Variants in NR1D1 observed in about 807,000 individuals in gnomAD.
NR1D1 encodes nuclear receptor subfamily 1 group D member 1.
NR1D1 carries 17 observed loss-of-function variants against 51.1 expected under a neutral mutation model. That is an observed-to-expected ratio of 0.33 (90% CI 0.23 to 0.50). The LOEUF is 0.50. Among genes scored for constraint, NR1D1 ranks in the 20% least tolerant of loss-of-function variants. The pLI, the probability that NR1D1 is intolerant of heterozygous loss-of-function variation, is 0.98. For synonymous variants in NR1D1, 341 were observed against 333.4 expected (o/e 1.02, Z -0.25); for missense variants, 647 against 830.4 (o/e 0.78, Z 2.71).
In NR1D1 at chr17:40,093,448, A is replaced by G; in HGVS notation, c.1646-166T>C. On this transcript the variant is annotated intron_variant, in intron 7 of 7. Transcript: ENST00000246672. The surrounding 1 kb of genome is among the most constrained non-coding windows in gnomAD (Gnocchi z 5.9). The stretch of plus-strand genomic sequence containing the variant: ...TACCTTCTCCCAGGCCTCTGCCCCA[A>G]GAGCAGGAGGTGCCTGAAAGCTGGG... 1 of 1,526,408 alleles carries G rather than the reference A, an allele frequency of 6.6e-7. No homozygotes were observed. The highest frequency in any genetic ancestry group is 8.8e-7 in the Non-Finnish European group (1 of 1,134,504). The allele number at this position is 1,526,408 out of a possible 1,614,324, so 94.6% of individuals were successfully genotyped here.
At position 40,094,088 on chromosome 17, in the gene NR1D1, A is replaced by C; in HGVS notation, c.1469T>G (p.Val490Gly). 1 of 1,613,960 alleles carries C rather than the reference A, an allele frequency of 6.2e-7. No homozygotes were observed. The highest frequency in any genetic ancestry group is 8.5e-7 in the Non-Finnish European group (1 of 1,180,016). ...TAGGAACATCACTGTCTGGTCCTTC[A>C]CGTTGAACAACGAAGCAAAGCGCAC... ...LMVRFASLFN[V>G]KDQTVMFLSR... is the part of the protein sequence containing the mutation. Residue 490 changes from valine (V) to glycine (G), a missense_variant, in exon 7 of 8, where the codon GTG becomes GGG. Val to Gly is a moderately radical substitution (Grantham distance 109). Coordinates refer to ENST00000246672, the MANE Select transcript of NR1D1 (RefSeq NM_021724.5).
chr17:40,096,114 G>T, intron 4 of NR1D1, 27 bp from the exon 5 acceptor site: 1 of 1,605,588 alleles, frequency 6.2e-7, no homozygotes, highest in Non-Finnish European at 8.5e-7. Flanking sequence ...ACAGCATCAG[G>T]AAGTTCTCAA....
intron 6 of NR1D1, among the ~76,000 whole-genome samples, 162 bp downstream of exon 6, chr17:40,094,773 C>T (rs567470841): frequency 2.0e-5 from 3 of 152,356 alleles, no homozygotes; most frequent in Admixed American, 2.0e-4. Context: ...TGGCGGGAAC[C>T]TGTAATCCCA....
intron 4 of NR1D1, 132 bp downstream of exon 4, chr17:40,096,311 G>A: frequency 2.2e-6 from 3 of 1,365,270 alleles, no homozygotes; most frequent in Non-Finnish European, 2.0e-6. Flanking sequence ...CCAAGCAAAT[G>A]AAGGATGGAC....
rs1368133923 is a variant in NR1D1 at position 40,097,421 on chromosome 17, G to A, written c.32-18C>T. 11 of 1,580,544 alleles carry A rather than the reference G, an allele frequency of 7.0e-6. No homozygotes were observed. The East Asian group carries it at 1.2e-4, about 17-fold the overall frequency. On this transcript the variant is annotated intron_variant, in intron 1 of 7. Coordinates refer to ENST00000246672, the MANE Select transcript of NR1D1 (RefSeq NM_021724.5). The stretch of plus-strand genomic sequence containing the variant: ...GACGCCACCTGGAGAGAGAACAAAA[G>A]GAAAGGGGGTGTCAGCCGCCATGTC...
intron 1 of NR1D1, among the ~76,000 whole-genome samples, 174 bp from the exon 2 acceptor site, chr17:40,097,577 A>G (rs1486968938): frequency 6.6e-6 from 1 of 152,200 alleles, no homozygotes; most frequent in Non-Finnish European, 1.5e-5. Context: ...TAGACATGGC[A>G]TGGCCAAGCA....
Position 40,095,734 on chromosome 17 carries a change from A to G in NR1D1, c.958T>C (p.Ser320Pro). The change falls in exon 5 of 8, where the codon TCA becomes CCA. Residue 320 changes from serine (S) to proline (P), a missense_variant. Ser to Pro is a moderately conservative substitution (Grantham distance 74). Around this residue, in one of 7 missense-constraint regions of NR1D1, gnomAD observed 185 missense variants for 176.3 expected, o/e 1.05. Transcript: ENST00000246672. ...SPGNFNANHA[S>P]GSPPATTPHR... ...GGGGTGGTGGCTGGAGGGCTACCTG[A>G]TGCATGGTTGGCATTGAAGTTGCCA... The G allele has an allele frequency of 6.2e-7, 1 of 1,613,896 alleles. No homozygotes were observed. Among genetic ancestry groups the G allele is most frequent in the Non-Finnish European group, 8.5e-7 (1 of 1,179,932 alleles).
In NR1D1 at chr17:40,100,075, T is replaced by C. The variant is rs1370833181; in HGVS notation, c.20A>G (p.Asn7Ser). Reference protein sequence around the residue: MTTLDSNNNTGGVITYI... With the variant: MTTLDSSNNTGGVITYI... ...AGAAATCTCAGTACCTGTGTTGTTGTTGGAGTCCAGGGTCGTCATGTCTTC... is the reference window on the plus strand; with the variant it reads ...AGAAATCTCAGTACCTGTGTTGTTGCTGGAGTCCAGGGTCGTCATGTCTTC... Residue 7 changes from asparagine (N) to serine (S), a missense_variant, in exon 1 of 8, where the codon AAC (asparagine) becomes AGC (serine). Transcript: ENST00000246672. 3 of 1,610,438 alleles carry C rather than the reference T, an allele frequency of 1.9e-6. No individual in the cohort carries two copies. The highest frequency in any genetic ancestry group is 2.5e-6 in the Non-Finnish European group (3 of 1,176,618).
In NR1D1 at chr17:40,093,107, C is replaced by G; in HGVS notation, c.1821G>C (p.Leu607=). The G allele has an allele frequency of 6.2e-7, 1 of 1,614,108 alleles. No homozygotes were observed. Among genetic ancestry groups the G allele is most frequent in the Non-Finnish European group, 8.5e-7 (1 of 1,180,040 alleles). The change falls in exon 8 of 8, where the codon CTG becomes CTC. Residue 607 remains leucine, a synonymous_variant. Coordinates refer to ENST00000246672, the MANE Select transcript of NR1D1 (RefSeq NM_021724.5). The surrounding 1 kb of genome is among the most constrained non-coding windows in gnomAD (Gnocchi z 5.9). ...TLNNMHSEKL[L]SFRVDAQ ...GTCACTGGGCGTCCACCCGGAAGGA[C>G]AGCAGCTTCTCGGAATGCATGTTGT...
chr17:40,092,832 A>T lies in NR1D1; in HGVS notation c.*251T>A. ...TTGGATTTGAGACAGGAACAGAACA[A>T]ATCAGAGGGCCAGGGGAGGGTTGTG... On this transcript the variant is annotated 3_prime_UTR_variant, in exon 8 of 8. Transcript: ENST00000246672. The T allele has an allele frequency of 1.2e-6, 1 of 839,498 alleles. No homozygotes were observed. Among genetic ancestry groups the T allele is most frequent in the Non-Finnish European group, 1.8e-6 (1 of 558,818 alleles). 52.0% of individuals were successfully genotyped at this position (839,498 alleles called of 1,614,324 possible).
chr17:40,093,641 C>G lies in NR1D1; in HGVS notation c.1645+271G>C. 7.5e-6 allele frequency: 5 copies of G among 665,656 alleles called. No homozygotes were observed. The highest frequency in any genetic ancestry group is 1.3e-5 in the Non-Finnish European group (5 of 398,094). 41.2% of individuals were successfully genotyped at this position (665,656 alleles called of 1,614,324 possible). A position where few individuals can be genotyped will look rare whatever the true frequency, so the allele number is the denominator to read the frequency against. On this transcript the variant is annotated intron_variant, in intron 7 of 7. Transcript: ENST00000246672. The surrounding 1 kb of genome is among the most constrained non-coding windows in gnomAD (Gnocchi z 5.9). Reference sequence around the variant, plus strand: ...GCAACATCTTACTTGTCCTTTGAGGCCCCAACTCAAGTGTCACCTCCTTCC... The same window carrying G: ...GCAACATCTTACTTGTCCTTTGAGGGCCCAACTCAAGTGTCACCTCCTTCC...
At chr17:40,096,120 C>A in intron 4 of NR1D1, 33 bp from the exon 5 acceptor site, 2 of 1,595,316 alleles carry the variant, frequency 1.3e-6, no homozygotes, top group South Asian at 1.1e-5. Flanking sequence ...TCAGGAAGTT[C>A]TCAACCATGC....
chr17:40,097,312 G>A lies in NR1D1; in HGVS notation c.123C>T (p.Phe41=). 1 of 1,614,146 alleles carries A rather than the reference G, an allele frequency of 6.2e-7. No individual in the cohort carries two copies. Among genetic ancestry groups the A allele is most frequent in the South Asian group, 1.1e-5 (1 of 91,076 alleles). Residue 41 remains phenylalanine (F), a synonymous_variant, in exon 2 of 8, where the codon TTC becomes TTT. Coordinates refer to ENST00000246672, the MANE Select transcript of NR1D1 (RefSeq NM_021724.5). ...TGGGACAGCCTTGGGTCAGGGACTG[G>A]AAGCTGCCATTGGAGTTGTCACTAT... ...SLYSDNSNGS[F]QSLTQGCPTY...
Position 40,093,355 on chromosome 17 carries a change from C to A in NR1D1, c.1646-73G>T, listed in dbSNP as rs1324237377. On this transcript the variant is annotated intron_variant, in intron 7 of 7. Coordinates refer to ENST00000246672, the MANE Select transcript of NR1D1 (RefSeq NM_021724.5). The surrounding 1 kb of genome is among the most constrained non-coding windows in gnomAD (Gnocchi z 5.9). ...AGGAGGAACCGGAGGTCTGCGAGGA[C>A]CTGGCAGGCAATGCAGCCTCTCCCT... 1 of 1,612,360 alleles carries A rather than the reference C, an allele frequency of 6.2e-7. No individual in the cohort carries two copies. Among genetic ancestry groups the A allele is most frequent in the African/African-American group, 1.3e-5 (1 of 75,028 alleles).
rs1487699754 is a variant in NR1D1, at chr17:40,093,458, G to A, written c.1646-176C>T. On this transcript the variant is annotated intron_variant, in intron 7 of 7. Coordinates refer to ENST00000246672, the MANE Select transcript of NR1D1 (RefSeq NM_021724.5). The surrounding 1 kb of genome is among the most constrained non-coding windows in gnomAD (Gnocchi z 5.9). ...CAGGCCTCTGCCCCAAGAGCAGGAG[G>A]TGCCTGAAAGCTGGGAGCGTGGGCT... The A allele has an allele frequency of 2.0e-6, 3 of 1,504,764 alleles. No homozygotes were observed. Among genetic ancestry groups the A allele is most frequent in the South Asian group, 2.6e-5 (2 of 76,354 alleles). 93.2% of individuals were successfully genotyped at this position (1,504,764 alleles called of 1,614,324 possible). A position where few individuals can be genotyped will look rare whatever the true frequency, so the allele number is the denominator to read the frequency against.
At position 40,096,779 on chromosome 17, in the gene NR1D1, T is replaced by C. The variant is rs1251497808; in HGVS notation, c.371A>G (p.Lys124Arg). The change falls in exon 3 of 8, where the codon AAG becomes AGG. Residue 124 changes from lysine to arginine, a missense_variant and splice_region_variant. Lys to Arg is a conservative substitution (Grantham distance 26). This residue lies in a region of NR1D1 where 98 missense variants were observed against 94.7 expected (regional missense o/e 1.03). Coordinates refer to ENST00000246672, the MANE Select transcript of NR1D1 (RefSeq NM_021724.5). The stretch of plus-strand genomic sequence containing the variant: ...ACACAGTAACACCATGCCATTCAGC[T>C]CTGTGGAAGAGACGGGCAGCAGGTG... Reference protein sequence around the residue: ...SPSKSTSNITKLNGMVLLCKV... With the variant: ...SPSKSTSNITRLNGMVLLCKV... 1.9e-6 allele frequency: 3 copies of C among 1,613,922 alleles called. No homozygotes were observed. Among genetic ancestry groups the C allele is most frequent in the Non-Finnish European group, 2.5e-6 (3 of 1,179,978 alleles).
At chr17:40,099,484 G>A (rs1490495165) in intron 1 of NR1D1, among the ~76,000 whole-genome samples, 3 of 152,034 alleles carry the variant, frequency 2.0e-5, no homozygotes, top group African/African-American at 7.2e-5. Context: ...CCGGCGGCCG[G>A]AGCCCTGTAG....
rs1203205975 is a variant in NR1D1, at chr17:40,093,713, G to C, written c.1645+199C>G. ...AGTTGTCTGTGCTTCCTTGGTTCAT[G>C]CTTCTACTGTGACACTTATCTCACT... On this transcript the variant is annotated intron_variant, in intron 7 of 7. Transcript: ENST00000246672. This position sits in a 1 kb window ranked among gnomAD's most constrained non-coding sequence, Gnocchi z 5.9. The C allele has an allele frequency of 1.6e-6, 1 of 640,154 alleles. No individual in the cohort carries two copies. Among genetic ancestry groups the C allele is most frequent in the Non-Finnish European group, 2.7e-6 (1 of 372,758 alleles). 39.7% of individuals were successfully genotyped at this position (640,154 alleles called of 1,614,324 possible). A position where few individuals can be genotyped will look rare whatever the true frequency, so the allele number is the denominator to read the frequency against.
intron 5 of NR1D1, 117 bp downstream of exon 5, chr17:40,095,327 T>C (rs548717839): frequency 1.5e-6 from 2 of 1,339,154 alleles, no homozygotes; most frequent in African/African-American, 2.9e-5. Context: ...CATTTTCTCC[T>C]GGGAAGATGC....
Sources: allele counts gnomAD v4.1 joint callset (sites outside exome capture counted in the v4.1 genomes callset), GRCh38; gene constraint gnomAD v4.1.1; regional missense constraint gnomAD v4.1.1; non-coding constraint Gnocchi (gnomAD v3.1); transcripts MANE v1.5; gene names NCBI Gene and HGNC (gene_info 2026-07-23, HGNC 2026-07-21).